ZNF804A: variants seen among roughly 807,000 people sequenced by gnomAD.
ZNF804A encodes the protein zinc finger protein 804A.
Under a neutral mutation model 16.5 loss-of-function variants are expected in ZNF804A, and 2 were observed. That is an observed-to-expected ratio of 0.12 (90% CI 0.05 to 0.38). The LOEUF (loss-of-function observed/expected upper bound fraction) is 0.38. Ranked by LOEUF, ZNF804A falls within the 10% of genes least tolerant of loss-of-function variation. ZNF804A has a pLI of 0.99. For missense variants in ZNF804A, 1,473 were observed against 1,390.7 expected (o/e 1.06, Z -0.94); for synonymous variants, 534 against 489.6 (o/e 1.09, Z -1.20).
intron 1 of ZNF804A, among the ~76,000 whole-genome samples, chr2:184,787,594 C>T (rs1030208707): frequency 3.3e-5 from 5 of 151,956 alleles, no homozygotes; most frequent in Non-Finnish European, 7.4e-5. Flanking sequence ...TTGCATTTCT[C>T]TGGTGATTAG....
At chr2:184,630,117 C>T (rs1287512186) in intron 1 of ZNF804A, among the ~76,000 whole-genome samples, 3 of 152,134 alleles carry the variant, frequency 2.0e-5, no homozygotes, top group Non-Finnish European at 4.4e-5. Context: ...CTTTTAGCTA[C>T]CAGGTCTCTG....
intron 1 of ZNF804A, among the ~76,000 whole-genome samples, chr2:184,823,385 C>T (rs1359375483): frequency 6.6e-6 from 1 of 152,100 alleles, no homozygotes; most frequent in South Asian, 2.1e-4. Flanking sequence ...GGGACACATT[C>T]AAACCATAGC....
At position 184,676,523 on chromosome 2, in the gene ZNF804A, T is replaced by C. The variant is rs145247552; in HGVS notation, c.111+77453T>C. ...AGTTAATAAAGACTGAACAAATTGA[T>C]GAAGACATTATTAAAATAAAATAAT... On this transcript the variant is annotated intron_variant, in intron 1 of 3. Coordinates refer to ENST00000302277, the MANE Select transcript of ZNF804A (RefSeq NM_194250.2). Among the ~76,000 whole-genome samples the C allele has an allele frequency of 2.6e-5, 4 of 151,772 alleles. No homozygotes were observed. The East Asian group carries it at 7.7e-4, about 29-fold the overall frequency.
At chr2:184,842,373 C>G (rs568722826) in intron 1 of ZNF804A, among the ~76,000 whole-genome samples, 71 of 152,230 alleles carry the variant, frequency 4.7e-4, no homozygotes, top group Non-Finnish European at 8.4e-4. Flanking sequence ...ATCTGGGGAA[C>G]CCCTGTGATG....
At chr2:184,601,639 C>A (rs1043852790) in intron 1 of ZNF804A, among the ~76,000 whole-genome samples, 4 of 151,810 alleles carry the variant, frequency 2.6e-5, no homozygotes, top group Admixed American at 2.6e-4. Flanking sequence ...ATCTTTCCAA[C>A]TTTATATTTT....
At chr2:184,824,274 A>C (rs1240784512) in intron 1 of ZNF804A, among the ~76,000 whole-genome samples, 2 of 152,188 alleles carry the variant, frequency 1.3e-5, no homozygotes, top group South Asian at 4.1e-4. Flanking sequence ...CCATGACAAT[A>C]TATATTTTTT....
intron 1 of ZNF804A, among the ~76,000 whole-genome samples, chr2:184,708,822 T>G (rs1574173414): frequency 6.6e-6 from 1 of 152,260 alleles, no homozygotes; most frequent in African/African-American, 2.4e-5. Context: ...TCAGGCTTTC[T>G]TCCTGCTTTA....
intron 1 of ZNF804A, among the ~76,000 whole-genome samples, chr2:184,658,774 C>T (rs1356366416): frequency 6.6e-6 from 1 of 152,076 alleles, no homozygotes; most frequent in Non-Finnish European, 1.5e-5. Flanking sequence ...AAGAATGAGC[C>T]AAAGGAGAAT....
intron 2 of ZNF804A, among the ~76,000 whole-genome samples, chr2:184,899,320 T>C (rs1376352294): frequency 1.3e-5 from 2 of 152,060 alleles, no homozygotes; most frequent in African/African-American, 2.4e-5. Context: ...CCCACAGACT[T>C]GAGAGGCATA....
At chr2:184,739,763 A>T (rs993597588) in intron 1 of ZNF804A, among the ~76,000 whole-genome samples, 1 of 152,044 alleles carries the variant, frequency 6.6e-6, no homozygotes, top group Non-Finnish European at 1.5e-5. Context: ...ACAACCACTC[A>T]ATGTCCCAAT....
intron 1 of ZNF804A, among the ~76,000 whole-genome samples, chr2:184,699,041 A>C (rs978566786): frequency 6.6e-6 from 1 of 152,088 alleles, no homozygotes; most frequent in Non-Finnish European, 1.5e-5. Context: ...AGTTATATGC[A>C]TGGTGCATGG....
chr2:184,822,642 G>T (rs1206461247), intron 1 of ZNF804A, among the ~76,000 whole-genome samples: 1 of 152,012 alleles, frequency 6.6e-6, no homozygotes, highest in Non-Finnish European at 1.5e-5. Context: ...GATTTTTTTT[G>T]AGATTTATTT....
At chr2:184,794,650 C>G (rs539646651) in intron 1 of ZNF804A, among the ~76,000 whole-genome samples, 1 of 152,082 alleles carries the variant, frequency 6.6e-6, no homozygotes, top group Non-Finnish European at 1.5e-5. Context: ...AATGGTACCT[C>G]ACATTTCAAT....
chr2:184,812,739 A>G (rs1694921437), intron 1 of ZNF804A, among the ~76,000 whole-genome samples: 1 of 152,134 alleles, frequency 6.6e-6, no homozygotes, highest in Non-Finnish European at 1.5e-5. Flanking sequence ...AACAAAAGTA[A>G]GAAGATTGTT....
At chr2:184,758,829 T>A (rs900480127) in intron 1 of ZNF804A, among the ~76,000 whole-genome samples, 1 of 151,984 alleles carries the variant, frequency 6.6e-6, no homozygotes, top group Non-Finnish European at 1.5e-5. Flanking sequence ...AGAATTTTAG[T>A]AAAATTGAGA....
At chr2:184,829,832 C>T (rs1057170450) in intron 1 of ZNF804A, among the ~76,000 whole-genome samples, 2 of 139,564 alleles carry the variant, frequency 1.4e-5, no homozygotes, top group Non-Finnish European at 3.0e-5. Context: ...AAGGCCAAGA[C>T]TGGCAGATTG....
intron 1 of ZNF804A, among the ~76,000 whole-genome samples, chr2:184,686,072 A>G (rs2105722220): frequency 6.6e-6 from 1 of 152,316 alleles, no homozygotes; most frequent in African/African-American, 2.4e-5. Context: ...CTTGGCCACA[A>G]CTTTGCTCCA....
intron 1 of ZNF804A, among the ~76,000 whole-genome samples, chr2:184,683,884 A>G (rs529058978): frequency 6.6e-6 from 1 of 152,262 alleles, no homozygotes; most frequent in South Asian, 2.1e-4. Context: ...AATAATATCT[A>G]ATTGGGGCCT....
chr2:184,613,524 T>C (rs977283807), intron 1 of ZNF804A, among the ~76,000 whole-genome samples: 1 of 152,160 alleles, frequency 6.6e-6, no homozygotes, highest in Admixed American at 6.6e-5. Context: ...TGGCAAAACC[T>C]GAAGTAACTC....
Sources: gnomAD v4.1 joint callset for allele counts (sites outside exome capture counted in the v4.1 genomes callset) on GRCh38, gnomAD v4.1.1 for gene constraint, MANE v1.5 for transcripts, NCBI Gene and HGNC (gene_info 2026-07-23, HGNC 2026-07-21) for gene names.